Variants in PPP1R9A observed in about 807,000 individuals in gnomAD.
PPP1R9A encodes the protein neurabin-1.
A neutral mutation model predicts 141.9 loss-of-function variants in PPP1R9A; 59 were observed. The ratio of observed to expected loss-of-function variants is 0.42; its 90% CI spans 0.34 to 0.52. PPP1R9A has a LOEUF of 0.52. PPP1R9A is among the 20% of genes least tolerant of loss of function. The pLI, the probability that PPP1R9A is intolerant of heterozygous loss-of-function variation, is 0.10. For synonymous variants in PPP1R9A, 500 were observed against 569.7 expected (o/e 0.88, Z 1.74); for missense variants, 1,444 against 1,611.9 (o/e 0.90, Z 1.78).
intron 5 of PPP1R9A, among the ~76,000 whole-genome samples, chr7:95,179,778 C>CAAAAAAAAAAAA (rs61054939): frequency 2.1e-5 from 2 of 97,004 alleles, no homozygotes; most frequent in African/African-American, 3.9e-5. Flanking sequence ...ACAATAGCTG[C>CAAAAAAAAAAAA]AAAAAAAAAA....
At chr7:95,287,434 A>G (rs987740241) in intron 18 of PPP1R9A, among the ~76,000 whole-genome samples, 3 of 151,828 alleles carry the variant, frequency 2.0e-5, no homozygotes, top group Admixed American at 6.6e-5. Context: ...AGCTTACCCT[A>G]TCCCTTCTTC....
chr7:95,087,663 G>A (rs1213714072), intron 2 of PPP1R9A, among the ~76,000 whole-genome samples: 2 of 152,020 alleles, frequency 1.3e-5, no homozygotes, highest in African/African-American at 4.8e-5. Flanking sequence ...TTGGGAGGTC[G>A]AGGCGAGTAG....
chr7:95,196,070 C>T (rs1259447494), intron 5 of PPP1R9A, among the ~76,000 whole-genome samples: 1 of 148,994 alleles, frequency 6.7e-6, no homozygotes, highest in Non-Finnish European at 1.5e-5. Flanking sequence ...TACACACATA[C>T]GTGTGTGTGT....
intron 2 of PPP1R9A, among the ~76,000 whole-genome samples, chr7:94,954,410 T>C (rs543708460): frequency 6.6e-6 from 1 of 152,140 alleles, no homozygotes; most frequent in South Asian, 2.1e-4. Flanking sequence ...AAAGTCATTC[T>C]TTCCTTATGT....
intron 2 of PPP1R9A, among the ~76,000 whole-genome samples, chr7:95,080,381 A>G (rs1013246974): frequency 2.0e-5 from 3 of 152,160 alleles, no homozygotes; most frequent in African/African-American, 7.2e-5. Flanking sequence ...CCAACTTACA[A>G]GGGACGTGAA....
At chr7:95,151,116 A>G (rs1331067453) in intron 4 of PPP1R9A, among the ~76,000 whole-genome samples, 1 of 152,210 alleles carries the variant, frequency 6.6e-6, no homozygotes. Flanking sequence ...TTTAATGAAA[A>G]TAAACACACT....
intron 9 of PPP1R9A, 44 bp from the exon 10 acceptor site, chr7:95,249,982 A>C: frequency 4.0e-6 from 6 of 1,504,198 alleles, no homozygotes; most frequent in Non-Finnish European, 5.3e-6. Context: ...TTTTTGCCAC[A>C]AAAGTGGCCA....
Position 95,258,914 on chromosome 7 carries a change from G to A in PPP1R9A, c.2665+6784G>A, listed in dbSNP as rs184132910. On this transcript the variant is annotated intron_variant, in intron 12 of 19. Coordinates refer to ENST00000433360, the MANE Select transcript of PPP1R9A (RefSeq NM_001166160.2). ...AGAAGATGTGAAAATCCTATGGCCC[G>A]ACAAATTTACTTCGATGTGTATATA... Among the ~76,000 whole-genome samples, 247 of 152,200 alleles carry A rather than the reference G, an allele frequency of 1.6e-3. 2 individuals are homozygous for A. The highest frequency in any genetic ancestry group is 5.6e-3 in the African/African-American group (234 of 41,524).
chr7:95,050,610 C>G (rs1810656262), intron 2 of PPP1R9A, among the ~76,000 whole-genome samples: 1 of 152,124 alleles, frequency 6.6e-6, no homozygotes, highest in African/African-American at 2.4e-5. Context: ...GCCTGTAATT[C>G]CAGCTACATG....
intron 3 of PPP1R9A, among the ~76,000 whole-genome samples, chr7:95,114,678 C>T (rs1271223860): frequency 6.6e-6 from 1 of 151,508 alleles, no homozygotes; most frequent in Non-Finnish European, 1.5e-5. Flanking sequence ...GGACAGAAAA[C>T]AAAAATCAAG....
At chr7:95,122,836 T>G (rs1198377717) in intron 4 of PPP1R9A, among the ~76,000 whole-genome samples, 1 of 152,206 alleles carries the variant, frequency 6.6e-6, no homozygotes, top group Non-Finnish European at 1.5e-5. Context: ...TTTACCACCT[T>G]TCTTCCAAGA....
chr7:94,942,984 C>G (rs1249913533), intron 2 of PPP1R9A, among the ~76,000 whole-genome samples: 1 of 151,962 alleles, frequency 6.6e-6, no homozygotes, highest in African/African-American at 2.4e-5. Context: ...TCATAACTTT[C>G]AAGTGTTTGC....
chr7:95,045,448 G>T (rs1809869331), intron 2 of PPP1R9A, among the ~76,000 whole-genome samples: 1 of 152,160 alleles, frequency 6.6e-6, no homozygotes, highest in Admixed American at 6.6e-5. Flanking sequence ...ACCCTTGGGA[G>T]GTGAGCATGC....
At chr7:94,939,122 T>C (rs1030266636) in intron 2 of PPP1R9A, among the ~76,000 whole-genome samples, 1 of 152,170 alleles carries the variant, frequency 6.6e-6, no homozygotes, top group African/African-American at 2.4e-5. Context: ...AACAAGAAGA[T>C]CTGGGTTTGA....
chr7:95,134,110 A>G (rs1758933756), intron 4 of PPP1R9A, among the ~76,000 whole-genome samples: 1 of 152,364 alleles, frequency 6.6e-6, no homozygotes, highest in African/African-American at 2.4e-5. Flanking sequence ...AATGTGGCAC[A>G]TAGGCACCTT....
intron 2 of PPP1R9A, among the ~76,000 whole-genome samples, chr7:95,004,010 TG>T: frequency 6.6e-6 from 1 of 152,260 alleles, no homozygotes; most frequent in African/African-American, 2.4e-5. Flanking sequence ...TGTGCAGTAC[TG>T]GAAGTAAAGT....
chr7:95,217,242 T>G (rs1793600940), intron 7 of PPP1R9A, among the ~76,000 whole-genome samples: 2 of 152,220 alleles, frequency 1.3e-5, no homozygotes, highest in Admixed American at 1.3e-4. Context: ...GTTTTTGTCT[T>G]TGGTTCTGTT....
chr7:95,248,039 T>C (rs1013615444), intron 9 of PPP1R9A, among the ~76,000 whole-genome samples: 28 of 151,360 alleles, frequency 1.8e-4, no homozygotes, highest in African/African-American at 6.8e-4. Context: ...GTTCACATAA[T>C]TTAAATTTGT....
intron 18 of PPP1R9A, 94 bp downstream of exon 18, chr7:95,286,419 C>G (rs1382848090): frequency 6.5e-7 from 1 of 1,528,760 alleles, no homozygotes; most frequent in African/African-American, 1.4e-5. Context: ...GTAGATATTG[C>G]ATAGAAATCA....
Sources: allele counts gnomAD v4.1 joint callset (sites outside exome capture counted in the v4.1 genomes callset), GRCh38; gene constraint gnomAD v4.1.1; transcripts MANE v1.5; gene names NCBI Gene and HGNC (gene_info 2026-07-23, HGNC 2026-07-21).